SLC16A9: variants seen among roughly 807,000 people sequenced by gnomAD.
The protein encoded by SLC16A9 is monocarboxylate transporter 9.
A neutral mutation model predicts 44.3 loss-of-function variants in SLC16A9; 26 were observed. The observed-to-expected ratio is 0.59, with a 90% CI of 0.43 to 0.81. SLC16A9 has a LOEUF of 0.81. Among genes scored for constraint, SLC16A9 ranks in the 40% least tolerant of loss-of-function variants. The probability of loss-of-function intolerance (pLI) is 0.00; values close to 1 mark genes in which losing one functional copy is unlikely to be tolerated. For missense variants in SLC16A9, 559 were observed against 595.8 expected, an observed-to-expected ratio of 0.94 and a Z score of 0.64; for synonymous variants, 230 against 225.1, an observed-to-expected ratio of 1.02 and a Z score of -0.19.
At chr10:59,658,667 T>A (rs760705167) in intron 4 of SLC16A9, among the ~76,000 whole-genome samples, 14 of 152,220 alleles carry the variant, frequency 9.2e-5, no homozygotes, top group Non-Finnish European at 1.6e-4. Flanking sequence ...TCACAGGTTC[T>A]GCAAACTGCA....
intron 2 of SLC16A9, among the ~76,000 whole-genome samples, chr10:59,677,527 G>T: frequency 6.6e-6 from 1 of 152,086 alleles, no homozygotes; most frequent in Admixed American, 6.5e-5. Context: ...AGGACACAGA[G>T]AAATCAAACA....
chr10:59,678,028 C>T, intron 2 of SLC16A9, among the ~76,000 whole-genome samples: 1 of 117,182 alleles, frequency 8.5e-6, no homozygotes. Context: ...CAATGCTATC[C>T]CTCCCCCCTC....
At chr10:59,667,182 G>A (rs905595924) in intron 3 of SLC16A9, among the ~76,000 whole-genome samples, 1 of 152,146 alleles carries the variant, frequency 6.6e-6, no homozygotes, top group African/African-American at 2.4e-5. Flanking sequence ...TATGGTATCA[G>A]GTTCCTCATT....
At chr10:59,709,976 G>A (rs1840730629), upstream of SLC16A9, 1 of 152,266 alleles carries the variant, frequency 6.6e-6, no homozygotes, top group South Asian at 2.1e-4. Context: ...GCCAGGAGTA[G>A]GGAGGGCACT....
chr10:59,656,761 A>G (rs1839357853), intron 4 of SLC16A9, among the ~76,000 whole-genome samples: 1 of 152,192 alleles, frequency 6.6e-6, no homozygotes, highest in Non-Finnish European at 1.5e-5. Flanking sequence ...TCAACCCATT[A>G]CCTAGGAATT....
intron 1 of SLC16A9, among the ~76,000 whole-genome samples, chr10:59,692,939 A>G (rs1449931124): frequency 6.6e-6 from 1 of 152,242 alleles, no homozygotes; most frequent in Non-Finnish European, 1.5e-5. Context: ...TATATTTAAA[A>G]CAAACTGAAG....
At chr10:59,671,289 C>T (rs1839743686) in intron 3 of SLC16A9, among the ~76,000 whole-genome samples, 1 of 152,132 alleles carries the variant, frequency 6.6e-6, no homozygotes. Context: ...AAGGAAAGGC[C>T]AGGACTCTAG....
At chr10:59,700,496 A>G (rs61863103) in intron 1 of SLC16A9, among the ~76,000 whole-genome samples, 12,405 of 152,268 alleles carry the variant, frequency 0.081, 593 homozygotes, top group East Asian at 0.2. Flanking sequence ...AAAGCAAATG[A>G]AGAACTCCAT....
chr10:59,693,560 G>A (rs1220587922), intron 1 of SLC16A9, among the ~76,000 whole-genome samples: 2 of 151,796 alleles, frequency 1.3e-5, no homozygotes, highest in Admixed American at 6.6e-5. Context: ...AATTTTCTAC[G>A]GTTTGAAATA....
chr10:59,698,436 G>C (rs1448195120), intron 1 of SLC16A9, among the ~76,000 whole-genome samples: 1 of 152,164 alleles, frequency 6.6e-6, no homozygotes, highest in Non-Finnish European at 1.5e-5. Context: ...GAATCTGTTG[G>C]CTGGTCTCTG....
Position 59,672,928 on chromosome 10 carries a change from G to T in SLC16A9, c.197-15C>A, listed in dbSNP as rs765204355. 7 of 1,594,458 alleles carry T rather than the reference G, an allele frequency of 4.4e-6. No homozygotes were observed. The South Asian group carries it at 8.0e-5, about 18-fold the overall frequency. On this transcript the variant is annotated splice_polypyrimidine_tract_variant and intron_variant, in intron 2 of 5. Transcript: ENST00000395348. ...GCAGACAGGACCTAAAAAAAGAAAT[G>T]AAACCTTCACTTATTATCATATGAT...
At chr10:59,699,557 T>C (rs117097287) in intron 1 of SLC16A9, among the ~76,000 whole-genome samples, 1 of 152,332 alleles carries the variant, frequency 6.6e-6, no homozygotes, top group East Asian at 1.9e-4. Flanking sequence ...TCTGCCTCTT[T>C]TTCTTCATCT....
intron 2 of SLC16A9, among the ~76,000 whole-genome samples, chr10:59,673,718 C>T (rs1179887300): frequency 6.6e-6 from 1 of 152,182 alleles, no homozygotes; most frequent in Non-Finnish European, 1.5e-5. Context: ...TCACACACTG[C>T]TGGCAGTGTT....
chr10:59,691,775 C>G (rs1048207856), intron 1 of SLC16A9, among the ~76,000 whole-genome samples: 2 of 152,124 alleles, frequency 1.3e-5, no homozygotes, highest in Non-Finnish European at 2.9e-5. Flanking sequence ...CAAATAATGC[C>G]AATCCTTTGT....
At chr10:59,667,218 C>G (rs552318971) in intron 3 of SLC16A9, among the ~76,000 whole-genome samples, 1 of 152,268 alleles carries the variant, frequency 6.6e-6, no homozygotes, top group East Asian at 1.9e-4. Flanking sequence ...GAAACTATCA[C>G]TTAACAAATT....
chr10:59,651,545 G>A lies in SLC16A9; in HGVS notation c.*1227C>T, dbSNP rs1839198123. On this transcript the variant is annotated 3_prime_UTR_variant, in exon 6 of 6. Transcript: ENST00000395348. ...ACCAGCAGAATTAAAAGTTCTATGT[G>A]TGATACCCAGGTACCTATATTTTCA... is the stretch of plus-strand genomic sequence containing the variant. 1 of 152,074 alleles carries A rather than the reference G, an allele frequency of 6.6e-6. No homozygotes were observed. Among genetic ancestry groups the A allele is most frequent in the Admixed American group, 6.5e-5 (1 of 15,274 alleles). The allele number at this position is 152,074 out of a possible 1,614,324, so 9.4% of individuals were successfully genotyped here.
intron 2 of SLC16A9, among the ~76,000 whole-genome samples, chr10:59,678,243 C>T (rs1839902815): frequency 6.6e-6 from 1 of 152,022 alleles, no homozygotes; most frequent in Admixed American, 6.6e-5. Context: ...GATTTCCTAA[C>T]AGAGTGGATC....
intron 1 of SLC16A9, among the ~76,000 whole-genome samples, chr10:59,708,290 A>G (rs1165011706): frequency 6.6e-6 from 1 of 152,206 alleles, no homozygotes; most frequent in Non-Finnish European, 1.5e-5. Flanking sequence ...GGGTTTTCCT[A>G]TTAGAAGTTT....
chr10:59,698,233 TACAAA>T lies in SLC16A9; in HGVS notation c.-37+11241_-37+11245del, dbSNP rs1210431356. Among the ~76,000 whole-genome samples, 15 of 152,302 alleles carry T rather than the reference TACAAA, an allele frequency of 9.8e-5. No homozygotes were observed. The East Asian group carries it at 2.7e-3, about 27-fold the overall frequency. On this transcript the variant is annotated intron_variant, in intron 1 of 5. Transcript: ENST00000395348. ...TACTTAGAACACTTAAACAAAACTT[TACAAA>T]ACAAAAGAGCAGAATAATTAGATCC...
Sources: gnomAD v4.1 joint callset for allele counts (sites outside exome capture counted in the v4.1 genomes callset) on GRCh38, gnomAD v4.1.1 for gene constraint, MANE v1.5 for transcripts, NCBI Gene and HGNC (gene_info 2026-07-23, HGNC 2026-07-21) for gene names.